The following N4BP2 variants were observed in gnomAD, a reference collection of about 807,000 sequenced individuals.
N4BP2 encodes NEDD4 binding protein 2.
Under a neutral mutation model 152.8 loss-of-function variants are expected in N4BP2, and 91 were observed. The ratio of observed to expected loss-of-function variants is 0.60; its 90% CI spans 0.50 to 0.71. N4BP2 has a LOEUF of 0.71. N4BP2 is among the 30% of genes least tolerant of loss of function. The probability of loss-of-function intolerance (pLI) is 0.00; values close to 1 mark genes in which losing one functional copy is unlikely to be tolerated. For missense variants in N4BP2, 1,923 were observed against 2,059.1 expected (o/e 0.93, Z 1.28); for synonymous variants, 646 against 705.3 (o/e 0.92, Z 1.33).
chr4:40,064,625 G>C (rs1191889222), intron 1 of N4BP2, among the ~76,000 whole-genome samples: 1 of 152,152 alleles, frequency 6.6e-6, no homozygotes, highest in Admixed American at 6.5e-5. Flanking sequence ...TTATCTGCAA[G>C]ATGCTTACAG....
At chr4:40,181,519 C>G in the N4BP2 span, among the ~76,000 whole-genome samples, 2 of 152,152 alleles carry the variant, frequency 1.3e-5, no homozygotes, top group African/African-American at 4.8e-5. Flanking sequence ...GGTAGGTGCT[C>G]CAAGGCTGGT....
chr4:40,175,962 C>T, the N4BP2 span, among the ~76,000 whole-genome samples: 3 of 151,598 alleles, frequency 2.0e-5, no homozygotes, highest in East Asian at 1.9e-4. Context: ...CGGTGGCGGG[C>T]GCCTGTAGTC....
At chr4:40,094,140 AT>A (rs749682385) in intron 2 of N4BP2, among the ~76,000 whole-genome samples, 5 of 152,080 alleles carry the variant, frequency 3.3e-5, no homozygotes, top group Non-Finnish European at 7.4e-5. Context: ...GATTATTTAG[AT>A]GTATATTGCT....
chr4:40,067,701 T>TA (rs1711676797), intron 1 of N4BP2, among the ~76,000 whole-genome samples: 3 of 152,290 alleles, frequency 2.0e-5, no homozygotes, highest in African/African-American at 7.2e-5. Context: ...TTTTATTTTT[T>TA]ATTTTTTTAT....
At chr4:40,188,238 G>T in the N4BP2 span, among the ~76,000 whole-genome samples, 1 of 152,102 alleles carries the variant, frequency 6.6e-6, no homozygotes, top group Non-Finnish European at 1.5e-5. Flanking sequence ...TGAAGTCAAG[G>T]ATACCAAAGA....
At chr4:40,092,518 T>C (rs1359786610) in intron 2 of N4BP2, among the ~76,000 whole-genome samples, 1 of 152,128 alleles carries the variant, frequency 6.6e-6, no homozygotes, top group Non-Finnish European at 1.5e-5. Context: ...TTCTGTCTTC[T>C]TTTTTCTTTG....
chr4:40,059,765 G>A (rs988824956), intron 1 of N4BP2, among the ~76,000 whole-genome samples: 5 of 152,166 alleles, frequency 3.3e-5, no homozygotes, highest in African/African-American at 1.2e-4. Context: ...AGTGGCTTAT[G>A]TGTATGTACA....
chr4:40,120,275 A>G lies in N4BP2; in HGVS notation c.2164A>G (p.Arg722Gly), dbSNP rs1717741290. 2 of 1,613,690 alleles carry G rather than the reference A, an allele frequency of 1.2e-6. No homozygotes were observed. Among genetic ancestry groups the G allele is most frequent in the Admixed American group, 1.7e-5 (1 of 59,912 alleles). Reference protein sequence around the residue: ...SKTDTDSSMERVSPSTCCSEN... With the variant: ...SKTDTDSSMEGVSPSTCCSEN... ...AACTGACACAGATAGTTCTATGGAG[A>G]GAGTATCACCTAGTACTTGCTGTAG... The change falls in exon 9 of 18, where the codon AGA becomes GGA. Residue 722 changes from arginine (R) to glycine (G), a missense_variant. Coordinates refer to ENST00000261435, the MANE Select transcript of N4BP2 (RefSeq NM_018177.6).
At position 40,143,987 on chromosome 4, in the gene N4BP2, G is replaced by C. The variant is rs1048125457; in HGVS notation, c.4975-645G>C. 1.4e-4 allele frequency among the ~76,000 whole-genome samples: 21 copies of C among 152,174 alleles called. 1 individual carries two copies. The highest frequency in any genetic ancestry group is 4.8e-4 in the African/African-American group (20 of 41,436). Reference sequence around the variant, plus strand: ...TCGATAGCATAGCTTAAAGCCAGGAGTGTAGCGCAGTCGAAGTTCAAAGCC... The same window carrying C: ...TCGATAGCATAGCTTAAAGCCAGGACTGTAGCGCAGTCGAAGTTCAAAGCC... On this transcript the variant is annotated intron_variant, in intron 15 of 17. Transcript: ENST00000261435.
chr4:40,148,126 C>G (rs954638886), intron 16 of N4BP2, among the ~76,000 whole-genome samples: 2 of 152,148 alleles, frequency 1.3e-5, no homozygotes, highest in Admixed American at 1.3e-4. Flanking sequence ...TTGTAGCGAG[C>G]CGAGATCACG....
chr4:40,121,953 C>G lies in N4BP2; in HGVS notation c.3842C>G (p.Pro1281Arg). 2 of 1,563,928 alleles carry G rather than the reference C, an allele frequency of 1.3e-6. No individual in the cohort carries two copies. Among genetic ancestry groups the G allele is most frequent in the South Asian group, 2.4e-5 (2 of 83,730 alleles). ...GAGACTGGAGACAACATACATTCTC[C>G]TTCACATTTCTCTGATATTTTTAAC... ...VTETGDNIHS[P>R]SHFSDIFNFV... is the part of the protein sequence containing the mutation. The change falls in exon 9 of 18, where the codon CCT (proline) becomes CGT (arginine). Residue 1281 changes from proline to arginine, a missense_variant. Pro to Arg is a moderately radical substitution (Grantham distance 103). Transcript: ENST00000261435.
At chr4:40,125,806 G>GAACCTGGGA (rs1322221800) in intron 11 of N4BP2, among the ~76,000 whole-genome samples, 4 of 150,204 alleles carry the variant, frequency 2.7e-5, no homozygotes, top group Non-Finnish European at 4.4e-5. Context: ...AGAATTGCTT[G>GAACCTGGGA]AACCTGGGAG....
At chr4:40,185,671 G>A in the N4BP2 span, among the ~76,000 whole-genome samples, 1 of 151,946 alleles carries the variant, frequency 6.6e-6, no homozygotes, top group African/African-American at 2.4e-5. Context: ...TTTAAAAAAA[G>A]CAAAAAACAT....
At chr4:40,088,226 T>C (rs1414144057) in intron 2 of N4BP2, among the ~76,000 whole-genome samples, 1 of 152,226 alleles carries the variant, frequency 6.6e-6, no homozygotes, top group Admixed American at 6.5e-5. Context: ...TTGGTTATTA[T>C]GAATAAAGCT....
chr4:40,185,298 A>G, the N4BP2 span, among the ~76,000 whole-genome samples: 1 of 152,180 alleles, frequency 6.6e-6, no homozygotes, highest in Admixed American at 6.5e-5. Context: ...AGATGTTGCT[A>G]ATAATAGCAA....
intron 1 of N4BP2, among the ~76,000 whole-genome samples, chr4:40,058,612 T>C (rs1341666635): frequency 1.3e-5 from 2 of 152,196 alleles, no homozygotes; most frequent in African/African-American, 4.8e-5. Context: ...TTGTTGACTT[T>C]AGTTAATTTG....
intron 12 of N4BP2, among the ~76,000 whole-genome samples, chr4:40,127,415 A>T (rs1050753561): frequency 3.3e-5 from 5 of 151,566 alleles, no homozygotes; most frequent in Admixed American, 2.6e-4. Context: ...GGGTCTTGCC[A>T]TGTTGCCCAA....
At chr4:40,174,543 C>T in the N4BP2 span, among the ~76,000 whole-genome samples, 1 of 151,784 alleles carries the variant, frequency 6.6e-6, no homozygotes, top group Non-Finnish European at 1.5e-5. Flanking sequence ...TGGCTCACGC[C>T]TGTAATCCCA....
chr4:40,182,514 G>A, the N4BP2 span, among the ~76,000 whole-genome samples: 5 of 152,002 alleles, frequency 3.3e-5, no homozygotes, highest in Admixed American at 2.6e-4. Flanking sequence ...GCAGTGGCGG[G>A]AACACAGCTC....
Sources: allele counts gnomAD v4.1 joint callset (sites outside exome capture counted in the v4.1 genomes callset), GRCh38; gene constraint gnomAD v4.1.1; transcripts MANE v1.5; gene names NCBI Gene and HGNC (gene_info 2026-07-23, HGNC 2026-07-21).